The following OPHN1 variants were observed in gnomAD, a reference collection of about 807,000 sequenced individuals.
OPHN1 encodes the protein oligophrenin-1.
OPHN1 carries 11 observed loss-of-function variants against 60.7 expected under a neutral mutation model. The ratio of observed to expected loss-of-function variants is 0.18; its 90% CI spans 0.11 to 0.30. OPHN1 has a LOEUF of 0.30. Ranked by LOEUF, OPHN1 falls within the 10% of genes least tolerant of loss-of-function variation. The pLI, the probability that OPHN1 is intolerant of heterozygous loss-of-function variation, is 1.00. For synonymous variants in OPHN1, 226 were observed against 222.6 expected (o/e 1.02, Z -0.14); for missense variants, 449 against 611.0 (o/e 0.73, Z 2.80).
At chrX:68,285,675 G>A (rs181951372) in intron 3 of OPHN1, among the ~76,000 whole-genome samples, 97 of 109,981 alleles carry the variant, frequency 8.8e-4, no homozygotes, top group African/African-American at 3.0e-3. Context: ...ATATCCCACA[G>A]GTATCTGAGG....
At chrX:68,169,417 T>C (rs1266774899) in intron 15 of OPHN1, among the ~76,000 whole-genome samples, 1 of 110,312 alleles carries the variant, frequency 9.1e-6, no homozygotes, top group Non-Finnish European at 1.9e-5. Context: ...CTTCACAGAA[T>C]TGGAAAAAAC....
chrX:68,231,003 T>G (rs1000199604), intron 6 of OPHN1, among the ~76,000 whole-genome samples: 1 of 110,585 alleles, frequency 9.0e-6, no homozygotes, highest in Non-Finnish European at 1.9e-5. Context: ...TCAATAAAAT[T>G]GTTAATATTT....
intron 20 of OPHN1, chrX:68,071,249 T>C (rs985867879): frequency 1.2e-5 from 8 of 670,430 alleles, no homozygotes; most frequent in Non-Finnish European, 1.7e-5. Context: ...ACTCCTACCA[T>C]GGAGCTGTGG....
intron 5 of OPHN1, among the ~76,000 whole-genome samples, chrX:68,247,544 T>C (rs2077812378): frequency 9.0e-6 from 1 of 111,388 alleles, no homozygotes; most frequent in African/African-American, 3.3e-5. Context: ...AAAAGCCCAA[T>C]ATTCCTTTCA....
At position 68,207,314 on chromosome X, in the gene OPHN1, G is replaced by T. The variant is rs1213031084; in HGVS notation, c.833-641C>A. On this transcript the variant is annotated intron_variant, in intron 9 of 24. Coordinates refer to ENST00000355520, the MANE Select transcript of OPHN1 (RefSeq NM_002547.3). The stretch of plus-strand genomic sequence containing the variant: ...CGGCTAACTTTTTGTATTTTTTTTA[G>T]TAGAGATGGGGTTTCACCATGTTAG... Among the ~76,000 whole-genome samples the T allele has an allele frequency of 2.8e-5, 3 of 108,781 alleles. No individual in the cohort carries two copies. In the South Asian group the frequency reaches 1.2e-3, roughly 45 times the overall value. 94.5% of individuals were successfully genotyped at this position (108,781 alleles called of 115,157 possible).
At chrX:68,134,083 G>A (rs1014541242) in intron 15 of OPHN1, among the ~76,000 whole-genome samples, 1 of 110,477 alleles carries the variant, frequency 9.1e-6, no homozygotes, top group Non-Finnish European at 1.9e-5. Flanking sequence ...GCTGAGGCAG[G>A]AGAATCACTT....
chrX:68,281,941 C>A (rs891717895), intron 4 of OPHN1, among the ~76,000 whole-genome samples: 1 of 112,238 alleles, frequency 8.9e-6, no homozygotes, highest in Non-Finnish European at 1.9e-5. Context: ...ATGGAGCTGG[C>A]GAGGACATGG....
At chrX:68,254,287 G>A (rs1490706651) in intron 5 of OPHN1, among the ~76,000 whole-genome samples, 1 of 111,384 alleles carries the variant, frequency 9.0e-6, no homozygotes, top group African/African-American at 3.3e-5. Context: ...CTGGGTCTTT[G>A]AGGCAATCTC....
intron 5 of OPHN1, among the ~76,000 whole-genome samples, chrX:68,260,424 C>CT (rs927262619): frequency 3.6e-5 from 4 of 110,073 alleles, no homozygotes; most frequent in African/African-American, 1.3e-4. Context: ...CATTATTAAT[C>CT]TTTTTTTTAA....
chrX:68,377,888 C>T (rs985628266), intron 2 of OPHN1, among the ~76,000 whole-genome samples: 1 of 111,730 alleles, frequency 9.0e-6, no homozygotes, highest in African/African-American at 3.3e-5. Context: ...CTGCAATAAA[C>T]ATACGTGTGC....
chrX:68,219,703 G>A (rs1429592547), intron 6 of OPHN1, among the ~76,000 whole-genome samples: 1 of 109,375 alleles, frequency 9.1e-6, no homozygotes, highest in Non-Finnish European at 1.9e-5. Flanking sequence ...CGAAATGAAG[G>A]CAGAAATAAA....
chrX:68,192,541 T>C (rs752792424), intron 15 of OPHN1, among the ~76,000 whole-genome samples: 67 of 108,601 alleles, frequency 6.2e-4, no homozygotes, highest in Non-Finnish European at 1.2e-3. Context: ...CACGAAGTCA[T>C]GTAAGGAGAA....
chrX:68,119,718 C>T (rs2077142473), intron 15 of OPHN1, among the ~76,000 whole-genome samples: 1 of 111,281 alleles, frequency 9.0e-6, no homozygotes, highest in Non-Finnish European at 1.9e-5. Flanking sequence ...GATAGGATAA[C>T]CTAATCTGTA....
intron 5 of OPHN1, among the ~76,000 whole-genome samples, chrX:68,256,214 C>A (rs1931369768): frequency 9.0e-6 from 1 of 111,207 alleles, no homozygotes; most frequent in South Asian, 3.8e-4. Context: ...CAAATGAATT[C>A]TCCTTGGCGG....
chrX:68,340,168 T>C (rs1003292021), intron 2 of OPHN1, among the ~76,000 whole-genome samples: 1 of 112,079 alleles, frequency 8.9e-6, no homozygotes, highest in Non-Finnish European at 1.9e-5. Flanking sequence ...AACTGCAATG[T>C]CTAACAAAAT....
intron 15 of OPHN1, among the ~76,000 whole-genome samples, chrX:68,184,247 C>T (rs1293594796): frequency 8.9e-6 from 1 of 111,890 alleles, no homozygotes; most frequent in African/African-American, 3.2e-5. Flanking sequence ...TGGGGCCGGG[C>T]GCTGTGGCTC....
chrX:68,072,180 T>C (rs1354026646), intron 20 of OPHN1, among the ~76,000 whole-genome samples: 1 of 112,059 alleles, frequency 8.9e-6, no homozygotes, highest in Non-Finnish European at 1.9e-5. Context: ...TCAAGTTATG[T>C]TTTGCACAGT....
intron 15 of OPHN1, among the ~76,000 whole-genome samples, chrX:68,156,688 G>A (rs1469188106): frequency 1.8e-5 from 2 of 111,289 alleles, no homozygotes; most frequent in African/African-American, 6.5e-5. Flanking sequence ...ATGTTTTCAA[G>A]GTTCATTCAT....
intron 5 of OPHN1, among the ~76,000 whole-genome samples, chrX:68,258,123 T>C (rs943252366): frequency 1.8e-5 from 2 of 110,559 alleles, no homozygotes; most frequent in East Asian, 2.9e-4. Flanking sequence ...TAGTGAAGGA[T>C]GGCAAGGGAG....
Sources: gnomAD v4.1 joint callset for allele counts (sites outside exome capture counted in the v4.1 genomes callset) on GRCh38, gnomAD v4.1.1 for gene constraint, MANE v1.5 for transcripts, NCBI Gene and HGNC (gene_info 2026-07-23, HGNC 2026-07-21) for gene names.